IQCM: variants seen among roughly 807,000 people sequenced by gnomAD.
The protein encoded by IQCM is IQ domain-containing protein M.
IQCM carries 45 observed loss-of-function variants against 57.6 expected under a neutral mutation model. That is an observed-to-expected ratio of 0.78 (90% CI 0.62 to 1.00). The LOEUF is 1.00. Ranked by LOEUF, IQCM falls within the 50% of genes least tolerant of loss-of-function variation. The pLI is 0.00. For missense variants in IQCM, 468 were observed against 511.6 expected (o/e 0.91, Z 0.82); for synonymous variants, 148 against 158.9 (o/e 0.93, Z 0.51).
At chr4:149,720,318 T>A (rs1176936145) in intron 5 of IQCM, among the ~76,000 whole-genome samples, 1 of 152,236 alleles carries the variant, frequency 6.6e-6, no homozygotes, top group African/African-American at 2.4e-5. Flanking sequence ...TGTTTTAATA[T>A]CTTTTCTATT....
At chr4:149,403,720 A>T (rs1732781855) in intron 13 of IQCM, among the ~76,000 whole-genome samples, 1 of 151,986 alleles carries the variant, frequency 6.6e-6, no homozygotes, top group Non-Finnish European at 1.5e-5. Context: ...GGAAAAAGGA[A>T]CAGCTTCGAG....
At chr4:149,383,965 G>T (rs1022744461) in intron 13 of IQCM, among the ~76,000 whole-genome samples, 12 of 151,822 alleles carry the variant, frequency 7.9e-5, no homozygotes, top group Admixed American at 7.9e-4. Flanking sequence ...AAAAAAAGAA[G>T]AATATTCCAG....
chr4:149,804,814 A>G (rs919652162), intron 2 of IQCM, among the ~76,000 whole-genome samples: 1 of 152,090 alleles, frequency 6.6e-6, no homozygotes. Context: ...ATACATGATT[A>G]AATTTGAAAG....
At chr4:149,669,922 C>T (rs1761102499) in intron 7 of IQCM, among the ~76,000 whole-genome samples, 3 of 152,146 alleles carry the variant, frequency 2.0e-5, no homozygotes, top group African/African-American at 4.8e-5. Flanking sequence ...ATGCCTCCAG[C>T]TTTGTTCTTT....
At chr4:149,640,950 T>G (rs1758133000) in intron 7 of IQCM, among the ~76,000 whole-genome samples, 1 of 152,154 alleles carries the variant, frequency 6.6e-6, no homozygotes, top group South Asian at 2.1e-4. Flanking sequence ...GTCAACATGG[T>G]AAAACCCTGT....
At chr4:149,602,339 C>G (rs1754391512) in intron 8 of IQCM, among the ~76,000 whole-genome samples, 1 of 152,084 alleles carries the variant, frequency 6.6e-6, no homozygotes, top group African/African-American at 2.4e-5. Context: ...AACCAATCCC[C>G]TATGCATATA....
chr4:149,692,070 C>T (rs1412002797), intron 5 of IQCM, among the ~76,000 whole-genome samples: 3 of 152,156 alleles, frequency 2.0e-5, no homozygotes, highest in Admixed American at 2.0e-4. Flanking sequence ...TTTAAAATTA[C>T]TTTGAGGACA....
intron 12 of IQCM, among the ~76,000 whole-genome samples, chr4:149,522,877 A>C (rs917662271): frequency 6.6e-6 from 1 of 152,212 alleles, no homozygotes; most frequent in African/African-American, 2.4e-5. Context: ...TATCCTGGTA[A>C]AATTCCTGAA....
At chr4:149,520,628 T>C (rs1029438812) in intron 12 of IQCM, among the ~76,000 whole-genome samples, 1 of 152,118 alleles carries the variant, frequency 6.6e-6, no homozygotes, top group Non-Finnish European at 1.5e-5. Context: ...ATACCAGGTG[T>C]TTTTTTCCTT....
intron 12 of IQCM, among the ~76,000 whole-genome samples, chr4:149,525,049 A>G (rs1186758905): frequency 6.6e-6 from 1 of 151,872 alleles, no homozygotes; most frequent in Non-Finnish European, 1.5e-5. Context: ...CTGGAACCCA[A>G]TGTTCCTACC....
intron 12 of IQCM, among the ~76,000 whole-genome samples, chr4:149,532,206 G>C (rs1454238724): frequency 2.0e-5 from 3 of 152,024 alleles, no homozygotes; most frequent in Non-Finnish European, 2.9e-5. Context: ...ACCTTAGAAA[G>C]CTCAAAAACA....
intron 7 of IQCM, among the ~76,000 whole-genome samples, chr4:149,656,439 A>T (rs936781521): frequency 6.6e-6 from 1 of 152,132 alleles, no homozygotes; most frequent in Non-Finnish European, 1.5e-5. Context: ...CTGACCATAG[A>T]ATTAAAAGGG....
intron 9 of IQCM, among the ~76,000 whole-genome samples, chr4:149,585,832 C>T (rs1752598894): frequency 6.6e-6 from 1 of 151,620 alleles, no homozygotes; most frequent in South Asian, 2.1e-4. Flanking sequence ...GTCACTAAAT[C>T]TTTTTTATCC....
rs563337258 is a variant in IQCM at position 149,721,885 on chromosome 4, G to C, written c.385+11359C>G. ...AATCACTGTACTATTTTCCATAAAGGTTGTACCAGTTGACATTTCCACCAG... is the reference window on the plus strand; with the variant it reads ...AATCACTGTACTATTTTCCATAAAGCTTGTACCAGTTGACATTTCCACCAG... On this transcript the variant is annotated intron_variant, in intron 5 of 13. Transcript: ENST00000636793. 1.9e-4 allele frequency among the ~76,000 whole-genome samples: 29 copies of C among 152,136 alleles called. No homozygotes were observed. The South Asian group carries it at 6.0e-3, about 32-fold the overall frequency.
intron 2 of IQCM, among the ~76,000 whole-genome samples, chr4:149,778,565 C>A (rs1771322017): frequency 6.6e-6 from 1 of 151,812 alleles, no homozygotes; most frequent in Middle Eastern, 3.4e-3. Context: ...AGCAAAAACC[C>A]AATTATTTGA....
At chr4:149,667,814 C>G (rs899678903) in intron 7 of IQCM, among the ~76,000 whole-genome samples, 2 of 151,276 alleles carry the variant, frequency 1.3e-5, no homozygotes, top group Non-Finnish European at 2.9e-5. Flanking sequence ...ATTAATCAAG[C>G]AGAAGAAAGG....
At chr4:149,410,947 C>A (rs536122756) in intron 13 of IQCM, among the ~76,000 whole-genome samples, 3 of 152,102 alleles carry the variant, frequency 2.0e-5, no homozygotes, top group South Asian at 4.2e-4. Context: ...GAGCAAAACT[C>A]TTTTCTGTTG....
At chr4:149,591,530 C>T (rs1477462499) in intron 8 of IQCM, among the ~76,000 whole-genome samples, 1 of 151,794 alleles carries the variant, frequency 6.6e-6, no homozygotes, top group African/African-American at 2.4e-5. Flanking sequence ...TATACATGTG[C>T]CATAATGGTG....
chr4:149,564,061 A>G (rs997854532), intron 9 of IQCM, among the ~76,000 whole-genome samples, 171 bp from the exon 10 acceptor site: 3 of 152,206 alleles, frequency 2.0e-5, no homozygotes, highest in Non-Finnish European at 4.4e-5. Context: ...CCTCCAAAGA[A>G]GGTTGAATAT....
Sources: gnomAD v4.1 joint callset for allele counts (sites outside exome capture counted in the v4.1 genomes callset) on GRCh38, gnomAD v4.1.1 for gene constraint, MANE v1.5 for transcripts, NCBI Gene and HGNC (gene_info 2026-07-23, HGNC 2026-07-21) for gene names.